The following USP15 variants were observed in gnomAD, a reference collection of about 807,000 sequenced individuals.
USP15 encodes ubiquitin specific peptidase 15.
USP15 carries 18 observed loss-of-function variants against 127.1 expected under a neutral mutation model. The observed-to-expected ratio is 0.14, with a 90% confidence interval of 0.10 to 0.21. The LOEUF is 0.21. USP15 is among the 10% of genes least tolerant of loss of function. The probability of loss-of-function intolerance (pLI) is 1.00; values close to 1 mark genes in which losing one functional copy is unlikely to be tolerated. For synonymous variants in USP15, 364 were observed against 393.7 expected (o/e 0.92, Z 0.89); for missense variants, 805 against 1,159.9 (o/e 0.69, Z 4.44).
chr12:62,357,812 G>T (rs1452136556), intron 8 of USP15, among the ~76,000 whole-genome samples: 2 of 151,882 alleles, frequency 1.3e-5, no homozygotes, highest in South Asian at 2.1e-4. Context: ...GTCAGCTCTC[G>T]AGCTGAAAAT....
At chr12:62,334,173 G>T (rs2065388173) in intron 6 of USP15, 1 of 152,126 alleles carries the variant, frequency 6.6e-6, no homozygotes, top group Admixed American at 6.5e-5. Flanking sequence ...TCCAATTTTG[G>T]TATATGTGCT....
In USP15 at chr12:62,384,334, T is replaced by G. The variant is rs773995104; in HGVS notation, c.1473+32T>G. ...CATGGGTTGGTTTGTTTTGTTTTTT[T>G]TTTTTTTTTTTTGCATTTGTTATTT... On this transcript the variant is annotated intron_variant, in intron 11 of 21. Transcript: ENST00000280377. 6.3e-3 allele frequency: 9,144 copies of G among 1,441,804 alleles called. 24 individuals are homozygous for G. The highest frequency in any genetic ancestry group is 7.4e-3 in the Non-Finnish European group (7,940 of 1,075,910). 89.3% of individuals were successfully genotyped at this position (1,441,804 alleles called of 1,614,324 possible). A position where few individuals can be genotyped will look rare whatever the true frequency, so the allele number is the denominator to read the frequency against.
At chr12:62,287,241 G>C (rs1417342761) in intron 1 of USP15, among the ~76,000 whole-genome samples, 1 of 152,032 alleles carries the variant, frequency 6.6e-6, no homozygotes, top group Non-Finnish European at 1.5e-5. Context: ...TGGGCAACAG[G>C]ATCATTAGAA....
chr12:62,322,010 A>G (rs1450485681), intron 5 of USP15, among the ~76,000 whole-genome samples: 1 of 152,230 alleles, frequency 6.6e-6, no homozygotes, highest in Non-Finnish European at 1.5e-5. Context: ...AGCATAGATG[A>G]TACATGAATA....
intron 21 of USP15, among the ~76,000 whole-genome samples, chr12:62,402,967 A>G (rs183192137): frequency 6.6e-6 from 1 of 152,096 alleles, no homozygotes; most frequent in Non-Finnish European, 1.5e-5. Flanking sequence ...GGACAGAATT[A>G]ATATAACTTG....
intron 6 of USP15, among the ~76,000 whole-genome samples, chr12:62,329,766 A>G (rs919888112): frequency 6.6e-5 from 10 of 152,238 alleles, no homozygotes; most frequent in Non-Finnish European, 1.3e-4. Flanking sequence ...CAAAATGACA[A>G]ATATTTAAAA....
intron 6 of USP15, among the ~76,000 whole-genome samples, chr12:62,345,086 TCTC>T (rs1294485462): frequency 2.0e-5 from 3 of 152,188 alleles, no homozygotes; most frequent in African/African-American, 4.8e-5. Flanking sequence ...GGCTTGAATT[TCTC>T]CTCAGAAAAT....
At chr12:62,392,957 A>G in intron 18 of USP15, 96 bp from the exon 19 acceptor site, 11 of 1,398,640 alleles carry the variant, frequency 7.9e-6, no homozygotes, top group Non-Finnish European at 1.1e-5. Flanking sequence ...CCCACTGAAT[A>G]AATGTAGAAC....
intron 6 of USP15, chr12:62,336,735 A>C (rs147238541): frequency 6.3e-6 from 1 of 159,068 alleles, no homozygotes; most frequent in Non-Finnish European, 1.3e-5. Context: ...CTGACTGAAT[A>C]GAGGACAGCT....
At chr12:62,326,034 G>T in intron 6 of USP15, 101 bp downstream of exon 6, 1 of 956,756 alleles carries the variant, frequency 1.0e-6, no homozygotes, top group South Asian at 2.0e-5. Context: ...GTGTATTGCA[G>T]AAATTCATGC....
chr12:62,327,750 A>G (rs1383220077), intron 6 of USP15: 7 of 383,678 alleles, frequency 1.8e-5, no homozygotes, highest in South Asian at 1.3e-4. Context: ...CCAACACACC[A>G]TACTCATGCA....
At chr12:62,293,164 T>C (rs1329252842) in intron 1 of USP15, among the ~76,000 whole-genome samples, 1 of 152,186 alleles carries the variant, frequency 6.6e-6, no homozygotes, top group Non-Finnish European at 1.5e-5. Context: ...ATACTAGCAC[T>C]CTGCCACAGG....
intron 19 of USP15, among the ~76,000 whole-genome samples, chr12:62,394,163 A>C (rs761097263): frequency 1.1e-4 from 17 of 152,216 alleles, no homozygotes; most frequent in Non-Finnish European, 2.1e-4. Flanking sequence ...TCAGAATGAC[A>C]AAAAGGGAAC....
chr12:62,378,926 A>G (rs1026600453), intron 8 of USP15, among the ~76,000 whole-genome samples: 1 of 152,168 alleles, frequency 6.6e-6, no homozygotes, highest in Non-Finnish European at 1.5e-5. Context: ...GTAAGCATAC[A>G]TTTATTGTGA....
intron 8 of USP15, among the ~76,000 whole-genome samples, chr12:62,363,839 C>G (rs2066391891): frequency 6.6e-6 from 1 of 152,054 alleles, no homozygotes; most frequent in Non-Finnish European, 1.5e-5. Context: ...ACAAGTGTCT[C>G]TCTAGTTTTT....
intron 5 of USP15, among the ~76,000 whole-genome samples, chr12:62,325,153 G>C (rs1176426121): frequency 6.6e-6 from 1 of 151,848 alleles, no homozygotes; most frequent in African/African-American, 2.4e-5. Context: ...AGACTTATTA[G>C]ACTGGACGAT....
At chr12:62,293,797 A>G (rs17126069) in intron 1 of USP15, among the ~76,000 whole-genome samples, 1,594 of 152,302 alleles carry the variant, frequency 0.01, 31 homozygotes, top group African/African-American at 0.037. Flanking sequence ...GAAACACACA[A>G]TAAAGTACAT....
At chr12:62,316,153 G>A (rs1419094784) in intron 4 of USP15, among the ~76,000 whole-genome samples, 1 of 151,830 alleles carries the variant, frequency 6.6e-6, no homozygotes, top group Admixed American at 6.6e-5. Flanking sequence ...GGTGTAGTGG[G>A]TGTGCGCCTG....
intron 13 of USP15, 43 bp from the exon 14 acceptor site, chr12:62,389,754 A>G (rs201392171): frequency 6.3e-7 from 1 of 1,599,622 alleles, no homozygotes; most frequent in East Asian, 2.2e-5. Flanking sequence ...TAATAGAAGT[A>G]ACATAAAATT....
Sources: allele counts gnomAD v4.1 joint callset (sites outside exome capture counted in the v4.1 genomes callset), GRCh38; gene constraint gnomAD v4.1.1; transcripts MANE v1.5; gene names NCBI Gene and HGNC (gene_info 2026-07-23, HGNC 2026-07-21).